The following NT5DC1 variants were observed in gnomAD, a reference collection of about 807,000 sequenced individuals.
NT5DC1 encodes 5'-nucleotidase domain-containing protein 1.
NT5DC1 carries 42 observed loss-of-function variants against 59.4 expected under a neutral mutation model. The ratio of observed to expected loss-of-function variants is 0.71; its 90% CI spans 0.55 to 0.92. The LOEUF is 0.92. NT5DC1 is among the 40% of genes least tolerant of loss of function. The pLI, the probability that NT5DC1 is intolerant of heterozygous loss-of-function variation, is 0.00. For synonymous variants in NT5DC1, 172 were observed against 188.1 expected (o/e 0.91, Z 0.70); for missense variants, 501 against 537.1 (o/e 0.93, Z 0.66).
intron 6 of NT5DC1, among the ~76,000 whole-genome samples, chr6:116,158,152 T>C (rs975335298): frequency 2.6e-5 from 4 of 152,240 alleles, no homozygotes; most frequent in African/African-American, 9.6e-5. Context: ...CTACAGTTTT[T>C]ATTACAAATA....
At chr6:116,242,503 A>C (rs1771758197) in intron 11 of NT5DC1, among the ~76,000 whole-genome samples, 1 of 151,762 alleles carries the variant, frequency 6.6e-6, no homozygotes, top group African/African-American at 2.4e-5. Context: ...AAAGAGAGAG[A>C]GAGAGTGGCT....
chr6:116,108,445 CT>C lies in NT5DC1; in HGVS notation c.257+12del. 6.4e-7 allele frequency: 1 copy of C among 1,566,838 alleles called. No homozygotes were observed. Among genetic ancestry groups the C allele is most frequent in the Non-Finnish European group, 8.8e-7 (1 of 1,137,008 alleles). ...ATGGCACTGTTCTCAGGTAATAAAA[CT>C]TAGTTGTGAAGTCTAAACTTTACCT... On this transcript the variant is annotated intron_variant, in intron 3 of 11. Transcript: ENST00000319550.
At chr6:116,200,005 G>T (rs1781313465) in intron 6 of NT5DC1, among the ~76,000 whole-genome samples, 1 of 150,452 alleles carries the variant, frequency 6.6e-6, no homozygotes, top group African/African-American at 2.5e-5. Flanking sequence ...AAAGTGGGGG[G>T]GGAAGAGTAA....
chr6:116,162,705 C>T (rs1398738198), intron 6 of NT5DC1, among the ~76,000 whole-genome samples: 13 of 152,096 alleles, frequency 8.5e-5, no homozygotes, highest in African/African-American at 2.2e-4. Flanking sequence ...TTTGCATCTA[C>T]GTTCATCAGG....
chr6:116,163,143 T>A (rs963545911), intron 6 of NT5DC1, among the ~76,000 whole-genome samples: 13,313 of 77,676 alleles, frequency 0.17, 839 homozygotes, highest in African/African-American at 0.24. Context: ...AAAAAAAAAA[T>A]ATATATATAT....
chr6:116,174,334 A>C (rs1414799652), intron 6 of NT5DC1, among the ~76,000 whole-genome samples: 2 of 152,184 alleles, frequency 1.3e-5, no homozygotes, highest in Non-Finnish European at 2.9e-5. Context: ...CTTATTTGGA[A>C]ATCTTCCGTA....
At chr6:116,163,722 GATCT>G (rs1200019670) in intron 6 of NT5DC1, among the ~76,000 whole-genome samples, 1 of 152,002 alleles carries the variant, frequency 6.6e-6, no homozygotes, top group South Asian at 2.1e-4. Flanking sequence ...GCGAATTTGA[GATCT>G]ATCTTTTTGA....
At chr6:116,124,358 C>T (rs960751115) in intron 6 of NT5DC1, among the ~76,000 whole-genome samples, 4 of 151,972 alleles carry the variant, frequency 2.6e-5, no homozygotes, top group East Asian at 1.9e-4. Flanking sequence ...ATTTTATAGG[C>T]GGTCGTGTCA....
chr6:116,244,037 G>A lies in NT5DC1; in HGVS notation c.*13G>A. ...GATATCCAAATAAGTTGTCTTTACT[G>A]AAAAATGAAGTGAAGACCCATATAT... On this transcript the variant is annotated 3_prime_UTR_variant, in exon 12 of 12. Transcript: ENST00000319550. 9.1e-7 allele frequency: 1 copy of A among 1,096,296 alleles called. No homozygotes were observed. The highest frequency in any genetic ancestry group is 1.4e-6 in the Non-Finnish European group (1 of 735,502). The allele number at this position is 1,096,296 out of a possible 1,614,324, so 67.9% of individuals were successfully genotyped here.
At position 116,113,668 on chromosome 6, in the gene NT5DC1, T is replaced by C. The variant is rs1236503779; in HGVS notation, c.365-2023T>C. Among the ~76,000 whole-genome samples the C allele has an allele frequency of 2.0e-5, 3 of 152,350 alleles. No homozygotes were observed. In the South Asian group the frequency reaches 6.2e-4, roughly 32 times the overall value. ...AGTCAAATGACCTTAGCCTCTTGCA[T>C]TGTGGGTGAAAACCAATGAGCTCTT... On this transcript the variant is annotated intron_variant, in intron 4 of 11. Coordinates refer to ENST00000319550, the MANE Select transcript of NT5DC1 (RefSeq NM_152729.3).
intron 6 of NT5DC1, among the ~76,000 whole-genome samples, chr6:116,204,815 G>T (rs1355184740): frequency 1.3e-5 from 2 of 151,968 alleles, no homozygotes; most frequent in Non-Finnish European, 2.9e-5. Flanking sequence ...TCAACAAGTA[G>T]AACAATGAAT....
chr6:116,178,106 C>CAT (rs1780789644), intron 6 of NT5DC1, among the ~76,000 whole-genome samples: 6 of 130,740 alleles, frequency 4.6e-5, no homozygotes, highest in African/African-American at 1.6e-4. Flanking sequence ...CGCGCGCGTG[C>CAT]GTGCGTGTGT....
At chr6:116,188,706 CT>C (rs35593541) in intron 6 of NT5DC1, among the ~76,000 whole-genome samples, 151 of 146,092 alleles carry the variant, frequency 1.0e-3, no homozygotes, top group Admixed American at 8.9e-4. Flanking sequence ...AAATTTTCTA[CT>C]TTTTTTTTTT....
At chr6:116,140,135 A>C (rs1779729657) in intron 6 of NT5DC1, among the ~76,000 whole-genome samples, 2 of 152,154 alleles carry the variant, frequency 1.3e-5, no homozygotes, top group Admixed American at 1.3e-4. Flanking sequence ...TATGGACACC[A>C]ATTTCAAAGG....
intron 6 of NT5DC1, among the ~76,000 whole-genome samples, chr6:116,196,141 G>A (rs1307842108): frequency 6.6e-6 from 1 of 151,958 alleles, no homozygotes; most frequent in Non-Finnish European, 1.5e-5. Flanking sequence ...TATCTCAAAA[G>A]GACAGTCGTC....
chr6:116,191,636 TAC>T (rs1410549119), intron 6 of NT5DC1, among the ~76,000 whole-genome samples: 2 of 152,054 alleles, frequency 1.3e-5, no homozygotes, highest in Non-Finnish European at 2.9e-5. Flanking sequence ...AGTAGGAAAA[TAC>T]AGTCTGTCTA....
At chr6:116,143,173 A>G (rs1441309051) in intron 6 of NT5DC1, among the ~76,000 whole-genome samples, 1 of 152,138 alleles carries the variant, frequency 6.6e-6, no homozygotes, top group Non-Finnish European at 1.5e-5. Context: ...AACATAGATA[A>G]TATTAAAAGA....
At position 116,132,187 on chromosome 6, in the gene NT5DC1, G is replaced by T. The variant is rs911401297; in HGVS notation, c.529+14242G>T. On this transcript the variant is annotated intron_variant, in intron 6 of 11. Coordinates refer to ENST00000319550, the MANE Select transcript of NT5DC1 (RefSeq NM_152729.3). ...TGTCTTTGGGAGAGAGTCATAGAAT[G>T]GGGATTCATGGCCTTGTTTCCCCTC... Among the ~76,000 whole-genome samples, 8 of 152,194 alleles carry T rather than the reference G, an allele frequency of 5.3e-5. 1 individual carries two copies. The highest frequency in any genetic ancestry group is 3.9e-4 in the Admixed American group (6 of 15,268).
intron 6 of NT5DC1, among the ~76,000 whole-genome samples, chr6:116,205,137 C>T (rs1353975271): frequency 6.6e-6 from 1 of 151,908 alleles, no homozygotes; most frequent in African/African-American, 2.4e-5. Context: ...GGTAAAACCC[C>T]TTCCTCATCC....
Sources: allele counts gnomAD v4.1 joint callset (sites outside exome capture counted in the v4.1 genomes callset), GRCh38; gene constraint gnomAD v4.1.1; transcripts MANE v1.5; gene names NCBI Gene and HGNC (gene_info 2026-07-23, HGNC 2026-07-21).